GRIK1: variants seen among roughly 807,000 people sequenced by gnomAD.
GRIK1 encodes glutamate receptor ionotropic, kainate 1.
GRIK1 carries 69 observed loss-of-function variants against 105.7 expected under a neutral mutation model. The observed-to-expected ratio is 0.65, with a 90% confidence interval of 0.54 to 0.80. GRIK1 has a LOEUF of 0.80. Ranked by LOEUF, GRIK1 falls within the 30% of genes least tolerant of loss-of-function variation. The pLI, the probability that GRIK1 is intolerant of heterozygous loss-of-function variation, is 0.00. For missense variants in GRIK1, 1,109 were observed against 1,167.3 expected, an observed-to-expected ratio of 0.95 and a Z score of 0.73; for synonymous variants, 438 against 431.3, an observed-to-expected ratio of 1.02 and a Z score of -0.19.
rs138097975 is a variant in GRIK1, at chr21:29,641,314, G to A, written c.1098+1512C>T. ...CTTCCCATGCTGTTCTCGTGATAGCGAATAAGTCTCATGAAATCTGATGGT... is the reference window on the plus strand; with the variant it reads ...CTTCCCATGCTGTTCTCGTGATAGCAAATAAGTCTCATGAAATCTGATGGT... On this transcript the variant is annotated intron_variant, in intron 7 of 17. Coordinates refer to ENST00000327783, the MANE Select transcript of GRIK1 (RefSeq NM_001330994.2). 9.9e-4 allele frequency among the ~76,000 whole-genome samples: 150 copies of A among 152,226 alleles called. 2 individuals carry two copies. The Middle Eastern group carries it at 0.01, about 10-fold the overall frequency.
intron 1 of GRIK1, among the ~76,000 whole-genome samples, chr21:29,739,625 A>C (rs17186870): frequency 1.3e-5 from 2 of 152,208 alleles, no homozygotes; most frequent in African/African-American, 4.8e-5. Flanking sequence ...AGAGGTCTTC[A>C]GACATTTTTG....
intron 1 of GRIK1, among the ~76,000 whole-genome samples, chr21:29,853,367 A>C (rs1171588210): frequency 6.6e-6 from 1 of 152,192 alleles, no homozygotes; most frequent in African/African-American, 2.4e-5. Flanking sequence ...CTTGGCCAAG[A>C]ATGACTTCTG....
chr21:29,845,485 C>G (rs1475437025), intron 1 of GRIK1, among the ~76,000 whole-genome samples: 1 of 152,118 alleles, frequency 6.6e-6, no homozygotes, highest in Admixed American at 6.5e-5. Flanking sequence ...CTTTCTTTCT[C>G]TCAAATGTTT....
chr21:29,763,852 G>A (rs2065590874), intron 1 of GRIK1: 1 of 152,180 alleles, frequency 6.6e-6, no homozygotes, highest in East Asian at 1.9e-4. Context: ...TTAGTTCCTG[G>A]CAGTTGCTAG....
At chr21:29,754,183 G>A (rs1200470056) in intron 1 of GRIK1, among the ~76,000 whole-genome samples, 1 of 152,052 alleles carries the variant, frequency 6.6e-6, no homozygotes, top group East Asian at 1.9e-4. Flanking sequence ...GATTACAGCT[G>A]GAACAAATGC....
chr21:29,565,473 C>G (rs1318294140), intron 14 of GRIK1, among the ~76,000 whole-genome samples: 1 of 152,122 alleles, frequency 6.6e-6, no homozygotes, highest in African/African-American at 2.4e-5. Context: ...ACTCTTGTTC[C>G]CCAGGTTAGA....
At chr21:29,590,117 G>T (rs2061311861) in intron 10 of GRIK1, among the ~76,000 whole-genome samples, 1 of 152,078 alleles carries the variant, frequency 6.6e-6, no homozygotes, top group African/African-American at 2.4e-5. Flanking sequence ...TATAATAGTT[G>T]CTATACTACA....
intron 1 of GRIK1, among the ~76,000 whole-genome samples, chr21:29,910,717 C>A (rs929620463): frequency 6.6e-6 from 1 of 152,048 alleles, no homozygotes; most frequent in African/African-American, 2.4e-5. Flanking sequence ...AATTATAGGA[C>A]ATGTTGTACT....
At chr21:29,937,145 T>G (rs1201223422) in intron 1 of GRIK1, among the ~76,000 whole-genome samples, 2 of 152,210 alleles carry the variant, frequency 1.3e-5, no homozygotes, top group Non-Finnish European at 2.9e-5. Context: ...TTTTTGTTAA[T>G]TTTTTGTATT....
At position 29,608,833 on chromosome 21, in the gene GRIK1, A is replaced by C. The variant is rs556344023; in HGVS notation, c.1099-9896T>G. ...GTCATTGGTATAGACTTTGGATATT[A>C]AGGTGTCACTTAGATGACTAACTGT... On this transcript the variant is annotated intron_variant, in intron 7 of 17. Coordinates refer to ENST00000327783, the MANE Select transcript of GRIK1 (RefSeq NM_001330994.2). Among the ~76,000 whole-genome samples, 346 of 152,264 alleles carry C rather than the reference A, an allele frequency of 2.3e-3. 1 individual carries two copies. Among genetic ancestry groups the C allele is most frequent in the African/African-American group, 7.7e-3 (321 of 41,568 alleles).
intron 1 of GRIK1, among the ~76,000 whole-genome samples, chr21:29,901,061 G>T (rs2070388708): frequency 6.6e-6 from 1 of 152,130 alleles, no homozygotes; most frequent in Admixed American, 6.5e-5. Flanking sequence ...AGAAATGAAG[G>T]CAGAAATAAA....
chr21:29,697,586 A>G (rs1729682610), intron 1 of GRIK1, among the ~76,000 whole-genome samples: 1 of 152,108 alleles, frequency 6.6e-6, no homozygotes, highest in African/African-American at 2.4e-5. Flanking sequence ...CGAAAAATCT[A>G]CTGTGGTATG....
At chr21:29,845,472 T>C (rs1337089521) in intron 1 of GRIK1, among the ~76,000 whole-genome samples, 1 of 152,188 alleles carries the variant, frequency 6.6e-6, no homozygotes, top group East Asian at 1.9e-4. Context: ...TACTCAAATG[T>C]GGCTTTCTTT....
chr21:29,732,148 A>C (rs1445537547), intron 1 of GRIK1, among the ~76,000 whole-genome samples: 1 of 152,148 alleles, frequency 6.6e-6, no homozygotes, highest in East Asian at 1.9e-4. Flanking sequence ...TTTCTACCTA[A>C]AGTAGGGTAA....
At chr21:29,648,349 T>TA (rs968016584) in intron 6 of GRIK1, among the ~76,000 whole-genome samples, 25 of 152,208 alleles carry the variant, frequency 1.6e-4, no homozygotes, top group African/African-American at 5.1e-4. Flanking sequence ...TGACTAATTT[T>TA]AAAAAAACAC....
chr21:29,782,278 G>A (rs1321576093), intron 1 of GRIK1, among the ~76,000 whole-genome samples: 1 of 151,608 alleles, frequency 6.6e-6, no homozygotes, highest in Non-Finnish European at 1.5e-5. Context: ...AGTAGAGACA[G>A]GGTTTCACCG....
intron 1 of GRIK1, among the ~76,000 whole-genome samples, chr21:29,863,576 G>A (rs1177466077): frequency 6.6e-6 from 1 of 151,950 alleles, no homozygotes; most frequent in African/African-American, 2.4e-5. Context: ...TTCTTCTTTT[G>A]ACATTGTCTA....
rs1430722201 is a variant in GRIK1 at position 29,905,807 on chromosome 21, T to C, written c.118+33576A>G. Among the ~76,000 whole-genome samples the C allele has an allele frequency of 2.0e-5, 3 of 151,924 alleles. No individual in the cohort carries two copies. The East Asian group carries it at 5.8e-4, about 29-fold the overall frequency. The stretch of plus-strand genomic sequence containing the variant: ...ACGCCCGGCTAATTTTTTGTATTTT[T>C]AGTAGAGACGGGATTTTGCCATGTT... On this transcript the variant is annotated intron_variant, in intron 1 of 17. Transcript: ENST00000327783.
At chr21:29,665,784 ACATGGGTGATGTGAACAT>A (rs370294358) in intron 4 of GRIK1, among the ~76,000 whole-genome samples, 12 of 152,370 alleles carry the variant, frequency 7.9e-5, no homozygotes, top group African/African-American at 2.9e-4. Context: ...GATGTGAGCA[ACATGGGTGATGTGAACAT>A]CATACTCTGA....
Sources: allele counts gnomAD v4.1 joint callset (sites outside exome capture counted in the v4.1 genomes callset), GRCh38; gene constraint gnomAD v4.1.1; transcripts MANE v1.5; gene names NCBI Gene and HGNC (gene_info 2026-07-23, HGNC 2026-07-21).